The following BCR variants were observed in gnomAD, a reference collection of about 807,000 sequenced individuals.
BCR encodes the protein breakpoint cluster region protein.
BCR carries 58 observed loss-of-function variants against 138.6 expected under a neutral mutation model. The ratio of observed to expected loss-of-function variants is 0.42; its 90% CI spans 0.34 to 0.52. The LOEUF is 0.52. Ranked by LOEUF, BCR falls within the 20% of genes least tolerant of loss-of-function variation. The pLI, the probability that BCR is intolerant of heterozygous loss-of-function variation, is 0.06. For synonymous variants in BCR, 786 were observed against 730.1 expected (o/e 1.08, Z -1.23); for missense variants, 1,599 against 1,727.2 (o/e 0.93, Z 1.32).
intron 8 of BCR, 162 bp from the exon 9 acceptor site, chr22:23,283,815 C>A: frequency 1.1e-6 from 1 of 925,766 alleles, no homozygotes; most frequent in Non-Finnish European, 1.6e-6. Context: ...ATGAACAAAA[C>A]GTTCTGGAAA....
chr22:23,219,437 CCCTTTGGCTG>C (rs2072796945), intron 1 of BCR, among the ~76,000 whole-genome samples: 1 of 152,238 alleles, frequency 6.6e-6, no homozygotes, highest in Non-Finnish European at 1.5e-5. Flanking sequence ...CTGACCTTGT[CCCTTTGGCTG>C]TGACCCTGTC....
intron 16 of BCR, among the ~76,000 whole-genome samples, chr22:23,299,427 T>C (rs535783737): frequency 6.6e-6 from 1 of 152,206 alleles, no homozygotes; most frequent in African/African-American, 2.4e-5. Context: ...GAGACCTACA[T>C]GGCCCTGAGA....
chr22:23,240,256 A>G (rs917596677), intron 1 of BCR, among the ~76,000 whole-genome samples: 2 of 151,986 alleles, frequency 1.3e-5, no homozygotes, highest in African/African-American at 4.8e-5. Context: ...TAGCCCCTAA[A>G]ACTGTACTTC....
Position 23,263,273 on chromosome 22 carries a change from C to T in BCR, c.1752+1733C>T, listed in dbSNP as rs1370042900. 12 of 1,117,312 alleles carry T rather than the reference C, an allele frequency of 1.1e-5. 1 individual carries two copies. The highest frequency in any genetic ancestry group is 5.3e-5 in the South Asian group (4 of 75,394). 69.2% of individuals were successfully genotyped at this position (1,117,312 alleles called of 1,614,324 possible). A position where few individuals can be genotyped will look rare whatever the true frequency, so the allele number is the denominator to read the frequency against. On this transcript the variant is annotated intron_variant, in intron 4 of 22. Coordinates refer to ENST00000305877, the MANE Select transcript of BCR (RefSeq NM_004327.4). ...GCTCCTACCTCGACATGCGGGCCCT[C>T]GGCCGCCTGGCCCAGGTGTACCGCT...
Position 23,186,499 on chromosome 22 carries a change from C to T in BCR, c.1279+4260C>T, listed in dbSNP as rs115028718. Among the ~76,000 whole-genome samples, 557 of 152,254 alleles carry T rather than the reference C, an allele frequency of 3.7e-3. 4 individuals carry two copies. The highest frequency in any genetic ancestry group is 0.013 in the African/African-American group (522 of 41,528). ...GACCATCACTACTGTCCATCTTGAA[C>T]TTTTTCATCTTCCCGACTGAAGCTC... is the stretch of plus-strand genomic sequence containing the variant. On this transcript the variant is annotated intron_variant, in intron 1 of 22. Coordinates refer to ENST00000305877, the MANE Select transcript of BCR (RefSeq NM_004327.4).
chr22:23,263,637 G>A (rs762106149), intron 4 of BCR: 226 of 1,487,768 alleles, frequency 1.5e-4, no homozygotes, highest in Admixed American at 4.0e-4. Context: ...TGGCCACCTC[G>A]CATATTGTCA....
chr22:23,273,712 C>G lies in BCR; in HGVS notation c.2053C>G (p.Leu685Val). 6.2e-7 allele frequency: 1 copy of G among 1,614,168 alleles called. No homozygotes were observed. Among genetic ancestry groups the G allele is most frequent in the Middle Eastern group, 1.6e-4 (1 of 6,062 alleles). ...CGCCCTCCGCATCTCACAGAACTTC[C>G]TGTCCAGCATCAATGAGGAGATCAC... ...QDALRISQNF[L>V]SSINEEITPR... The change falls in exon 8 of 23, where the codon CTG (leucine) becomes GTG (valine). Residue 685 changes from leucine to valine, a missense_variant. Transcript: ENST00000305877.
chr22:23,308,282 GGA>G (rs2073970247), intron 16 of BCR, among the ~76,000 whole-genome samples: 2 of 152,162 alleles, frequency 1.3e-5, no homozygotes, highest in African/African-American at 4.8e-5. Flanking sequence ...CTCTGCAGGT[GGA>G]ACCCAGGGAG....
chr22:23,187,185 T>C (rs2072354436), intron 1 of BCR, among the ~76,000 whole-genome samples: 1 of 152,216 alleles, frequency 6.6e-6, no homozygotes, highest in Non-Finnish European at 1.5e-5. Context: ...TACTGATCAT[T>C]GGAAAGTGAC....
At chr22:23,309,982 A>G in intron 17 of BCR, 1 of 399,308 alleles carries the variant, frequency 2.5e-6, no homozygotes, top group Non-Finnish European at 4.7e-6. Context: ...AGTCTCAGCT[A>G]CTCTGGAGTC....
rs1384159546 is a variant in BCR at position 23,211,417 on chromosome 22, C to G, written c.1279+29178C>G. ...GTTTCACTGTGTTAGCCAGGATGGT[C>G]TCGATTTCCTGACCTCGTGATCCGC... On this transcript the variant is annotated intron_variant, in intron 1 of 22. Transcript: ENST00000305877. Among the ~76,000 whole-genome samples the G allele has an allele frequency of 2.0e-5, 3 of 151,864 alleles. No individual in the cohort carries two copies. In the East Asian group the frequency reaches 5.8e-4, roughly 29 times the overall value.
chr22:23,229,614 T>G (rs2072931324), intron 1 of BCR, among the ~76,000 whole-genome samples: 1 of 152,232 alleles, frequency 6.6e-6, no homozygotes. Flanking sequence ...AGTTTGAAAC[T>G]GGGCAGTGAT....
At chr22:23,259,848 C>T (rs925590354) in intron 2 of BCR, among the ~76,000 whole-genome samples, 4 of 152,020 alleles carry the variant, frequency 2.6e-5, no homozygotes, top group Non-Finnish European at 5.9e-5. Flanking sequence ...GTTAGCAGAG[C>T]GAGGTGGTGG....
chr22:23,273,809 T>C (rs1412686832), intron 8 of BCR, 35 bp downstream of exon 8: 1 of 1,611,930 alleles, frequency 6.2e-7, no homozygotes, highest in East Asian at 2.2e-5. Context: ...GGTCCACCCA[T>C]CCTGCTGAGC....
chr22:23,310,026 G>A (rs1233798521), intron 17 of BCR: 6 of 426,240 alleles, frequency 1.4e-5, no homozygotes, highest in African/African-American at 1.0e-4. Flanking sequence ...CCAAGAGTTC[G>A]ATTACAGCCT....
At chr22:23,268,317 T>G in intron 4 of BCR, 91 bp from the exon 5 acceptor site, 2 of 1,043,838 alleles carry the variant, frequency 1.9e-6, no homozygotes, top group Non-Finnish European at 2.7e-6. Context: ...GTCCCTGGAG[T>G]TTCTGCAGAG....
intron 1 of BCR, among the ~76,000 whole-genome samples, chr22:23,234,007 C>T (rs548949280): frequency 6.6e-6 from 1 of 151,972 alleles, no homozygotes; most frequent in East Asian, 1.9e-4. Context: ...ATGAGCTCAG[C>T]CTGTATACCC....
At chr22:23,278,988 C>T (rs1042021873) in intron 8 of BCR, among the ~76,000 whole-genome samples, 2 of 152,212 alleles carry the variant, frequency 1.3e-5, no homozygotes, top group African/African-American at 2.4e-5. Flanking sequence ...AGTTCTAATT[C>T]CTTCCAGGAG....
rs1199407839 is a variant in BCR at position 23,192,250 on chromosome 22, G to C, written c.1279+10011G>C. On this transcript the variant is annotated intron_variant, in intron 1 of 22. Transcript: ENST00000305877. ...GTCTGAGGGGGTATGAGACACTCTGGCCTGGAGTAACCTGCCCAAGGTCAA... is the reference window on the plus strand; with the variant it reads ...GTCTGAGGGGGTATGAGACACTCTGCCCTGGAGTAACCTGCCCAAGGTCAA... 2.0e-5 allele frequency among the ~76,000 whole-genome samples: 3 copies of C among 152,214 alleles called. No homozygotes were observed. The East Asian group carries it at 5.8e-4, about 29-fold the overall frequency.
Sources: gnomAD v4.1 joint callset for allele counts (sites outside exome capture counted in the v4.1 genomes callset) on GRCh38, gnomAD v4.1.1 for gene constraint, MANE v1.5 for transcripts, NCBI Gene and HGNC (gene_info 2026-07-23, HGNC 2026-07-21) for gene names.